Variants in MIOS observed in about 807,000 individuals in gnomAD.
MIOS encodes the protein meiosis regulator for oocyte development, also known as GATOR2 complex protein MIOS.
In MIOS, 52 loss-of-function variants were observed where a neutral mutation model predicts 96.9. The ratio of observed to expected loss-of-function variants is 0.54; its 90% confidence interval spans 0.43 to 0.68. MIOS has a LOEUF of 0.68. Ranked by LOEUF, MIOS falls within the 30% of genes least tolerant of loss-of-function variation. The probability of loss-of-function intolerance (pLI) is 0.00; values close to 1 mark genes in which losing one functional copy is unlikely to be tolerated. For missense variants in MIOS, 1,005 were observed against 1,052.8 expected, an observed-to-expected ratio of 0.95 and a Z score of 0.63; for synonymous variants, 397 against 359.5, an observed-to-expected ratio of 1.10 and a Z score of -1.18.
intron 6 of MIOS, among the ~76,000 whole-genome samples, chr7:7,584,049 T>C (rs1783810834): frequency 6.6e-6 from 1 of 152,124 alleles, no homozygotes; most frequent in African/African-American, 2.4e-5. Context: ...TATATAGCTA[T>C]TGGTCTTTAG....
chr7:7,570,835 C>A (rs535043016), intron 3 of MIOS, among the ~76,000 whole-genome samples: 145 of 152,286 alleles, frequency 9.5e-4, no homozygotes, highest in African/African-American at 3.4e-3. Flanking sequence ...ACGCTTAGCT[C>A]CCTTGCCTGC....
rs1295007740 is a variant in MIOS, at chr7:7,606,080, C to T, written c.2531+9C>T. ...ATGCTTAGTTGGTTCAGGTAATCAG[C>T]ACATTTCTTCTTTGATAGGCTTGGA... On this transcript the variant is annotated intron_variant, in intron 12 of 12. Coordinates refer to ENST00000340080, the MANE Select transcript of MIOS (RefSeq NM_019005.4). The T allele has an allele frequency of 2.9e-5, 46 of 1,612,918 alleles. No homozygotes were observed. Among genetic ancestry groups the T allele is most frequent in the East Asian group, 4.5e-5 (2 of 44,836 alleles).
Position 7,594,950 on chromosome 7 carries a change from C to G in MIOS, c.2044-30C>G, listed in dbSNP as rs60140535. 3.6e-3 allele frequency: 5,437 copies of G among 1,492,384 alleles called. 160 individuals carry two copies. The African/African-American group carries it at 0.07, about 19-fold the overall frequency. 92.4% of individuals were successfully genotyped at this position (1,492,384 alleles called of 1,614,324 possible). A position where few individuals can be genotyped will look rare whatever the true frequency, so the allele number is the denominator to read the frequency against. On this transcript the variant is annotated intron_variant, in intron 9 of 12. Transcript: ENST00000340080. Reference sequence around the variant, plus strand: ...TCTGGCCTAGCCAGGAGATTTTAAACAATTGAAATAATTCATGTTTTCGTT... The same window carrying G: ...TCTGGCCTAGCCAGGAGATTTTAAAGAATTGAAATAATTCATGTTTTCGTT...
rs776153054 is a variant in MIOS at position 7,572,775 on chromosome 7, C to G, written c.300C>G (p.Phe100Leu). ...TSLGQDHNSK[F>L]KDLIGKEFVP... Reference sequence around the variant, plus strand: ...TTGGTCAAGATCATAACTCAAAGTTCAAAGATTTGATAGGAAAAGAGTTTG... The same window carrying G: ...TTGGTCAAGATCATAACTCAAAGTTGAAAGATTTGATAGGAAAAGAGTTTG... The change falls in exon 4 of 13, where the codon TTC (phenylalanine) becomes TTG (leucine). Residue 100 changes from phenylalanine to leucine, a missense_variant. This residue lies in a region of MIOS where 137 missense variants were observed against 148.6 expected (regional missense o/e 0.92). Coordinates refer to ENST00000340080, the MANE Select transcript of MIOS (RefSeq NM_019005.4). This position sits in a 1 kb window ranked among gnomAD's most constrained non-coding sequence, Gnocchi z 4.8. 5 of 1,614,036 alleles carry G rather than the reference C, an allele frequency of 3.1e-6. 1 individual carries two copies. The highest frequency in any genetic ancestry group is 4.2e-6 in the Non-Finnish European group (5 of 1,179,956).
intron 11 of MIOS, among the ~76,000 whole-genome samples, chr7:7,603,353 TGAAA>T (rs1189435194): frequency 6.6e-6 from 1 of 151,472 alleles, no homozygotes; most frequent in Non-Finnish European, 1.5e-5. Flanking sequence ...TACAATGAAC[TGAAA>T]CAAATTTACA....
intron 11 of MIOS, among the ~76,000 whole-genome samples, chr7:7,604,296 C>T (rs1461955019): frequency 6.6e-6 from 1 of 152,088 alleles, no homozygotes; most frequent in Non-Finnish European, 1.5e-5. Context: ...TCAGAGATTG[C>T]ATCCATCCAT....
chr7:7,594,836 T>C, intron 9 of MIOS, 144 bp from the exon 10 acceptor site: 1 of 487,594 alleles, frequency 2.1e-6, no homozygotes, highest in East Asian at 3.5e-5. Context: ...AAATTTTCTT[T>C]ATTCTCATTA....
chr7:7,586,129 C>T lies in MIOS; in HGVS notation c.1818+324C>T, dbSNP rs954321752. 6.6e-5 allele frequency among the ~76,000 whole-genome samples: 10 copies of T among 151,408 alleles called. No individual in the cohort carries two copies. The South Asian group carries it at 1.7e-3, about 25-fold the overall frequency. ...AGCTGTGTAAACATAAAAATATATT[C>T]GCTGTTTACACTGTGCACACATGCA... On this transcript the variant is annotated intron_variant, in intron 7 of 12. Transcript: ENST00000340080.
At chr7:7,577,296 G>T (rs1261999584) in intron 5 of MIOS, among the ~76,000 whole-genome samples, 1 of 152,152 alleles carries the variant, frequency 6.6e-6, no homozygotes, top group Non-Finnish European at 1.5e-5. Context: ...AACTAAAAAG[G>T]ACTCACTGAA....
chr7:7,595,179 T>A, intron 10 of MIOS, 47 bp downstream of exon 10: 1 of 1,564,552 alleles, frequency 6.4e-7, no homozygotes, highest in Non-Finnish European at 8.7e-7. Flanking sequence ...ATGTTGATGT[T>A]CAATTTAATA....
intron 8 of MIOS, among the ~76,000 whole-genome samples, chr7:7,588,859 C>G (rs1421713796): frequency 6.6e-6 from 1 of 152,066 alleles, no homozygotes; most frequent in African/African-American, 2.4e-5. Context: ...CTCATTTTTA[C>G]TACATTAAAC....
intron 12 of MIOS, among the ~76,000 whole-genome samples, chr7:7,606,610 C>G (rs533952858): frequency 4.8e-4 from 73 of 152,298 alleles, no homozygotes; most frequent in African/African-American, 1.7e-3. Flanking sequence ...CTGTCACCTT[C>G]ACAACTATAA....
At chr7:7,602,775 C>G (rs533660488) in intron 11 of MIOS, among the ~76,000 whole-genome samples, 44 of 151,924 alleles carry the variant, frequency 2.9e-4, no homozygotes, top group Non-Finnish European at 5.7e-4. Flanking sequence ...AATCCCAAGC[C>G]AAAAGAACAA....
intron 7 of MIOS, among the ~76,000 whole-genome samples, chr7:7,586,497 C>G (rs1380056357): frequency 6.6e-6 from 1 of 152,146 alleles, no homozygotes; most frequent in African/African-American, 2.4e-5. Flanking sequence ...TTTCTTTGCA[C>G]TACTTGGCTT....
chr7:7,606,972 C>G (rs1222149834), intron 12 of MIOS, 24 bp from the exon 13 acceptor site: 5 of 1,540,622 alleles, frequency 3.2e-6, no homozygotes, highest in Non-Finnish European at 2.7e-6. Context: ...GGATTTTTAA[C>G]TGTTATTTGA....
At chr7:7,571,171 C>A (rs1388420141) in intron 3 of MIOS, among the ~76,000 whole-genome samples, 1 of 152,172 alleles carries the variant, frequency 6.6e-6, no homozygotes, top group Non-Finnish European at 1.5e-5. Flanking sequence ...TAAGTATGTT[C>A]ATTCTTTTTG....
chr7:7,570,658 G>A (rs755191335), intron 3 of MIOS, among the ~76,000 whole-genome samples: 14 of 151,936 alleles, frequency 9.2e-5, no homozygotes, highest in South Asian at 2.1e-4. Context: ...GACAGTGACA[G>A]ATCATCAGGC....
Position 7,583,233 on chromosome 7 carries a change from A to T in MIOS, c.1509A>T (p.Gly503=). Residue 503 remains glycine (G), a synonymous_variant, in exon 6 of 13, where the codon GGA becomes GGT. Coordinates refer to ENST00000340080, the MANE Select transcript of MIOS (RefSeq NM_019005.4). ...ALQLCGWIKK[G]TDVDVGPFLN... is the part of the protein sequence containing the mutation. Reference sequence around the variant, plus strand: ...AGCTTTGTGGGTGGATAAAGAAAGGAACGGATGTAGACGTGGGGCCATTTT... The same window carrying T: ...AGCTTTGTGGGTGGATAAAGAAAGGTACGGATGTAGACGTGGGGCCATTTT... 3.7e-6 allele frequency: 6 copies of T among 1,614,170 alleles called. No homozygotes were observed. The highest frequency in any genetic ancestry group is 5.1e-6 in the Non-Finnish European group (6 of 1,180,016).
In MIOS at chr7:7,583,322, A is replaced by G; in HGVS notation, c.1598A>G (p.Asp533Gly). ...GCTGCTGTGGCATTGTTCAACTTGG[A>G]TATTCGCCGAGCAATCCAAATCCTG... ...RAAAVALFNL[D>G]IRRAIQILNE... The change falls in exon 6 of 13, where the codon GAT (aspartate) becomes GGT (glycine). Residue 533 changes from aspartate (D) to glycine (G), a missense_variant. Coordinates refer to ENST00000340080, the MANE Select transcript of MIOS (RefSeq NM_019005.4). The G allele has an allele frequency of 1.2e-6, 2 of 1,613,916 alleles. No homozygotes were observed. The highest frequency in any genetic ancestry group is 1.7e-6 in the Non-Finnish European group (2 of 1,179,850).
Sources: gnomAD v4.1 joint callset for allele counts (sites outside exome capture counted in the v4.1 genomes callset) on GRCh38, gnomAD v4.1.1 for gene constraint, gnomAD v4.1.1 regional missense constraint, Gnocchi (gnomAD v3.1) non-coding constraint, MANE v1.5 for transcripts, NCBI Gene and HGNC (gene_info 2026-07-23, HGNC 2026-07-21) for gene names.